The following MRPS35 variants were observed in gnomAD, a reference collection of about 807,000 sequenced individuals.
MRPS35 encodes the protein small ribosomal subunit protein mS35.
In MRPS35, 29 loss-of-function variants were observed where a neutral mutation model predicts 32.7. That is an observed-to-expected ratio of 0.89 (90% confidence interval 0.66 to 1.21). The LOEUF is 1.21. Among genes scored for constraint, MRPS35 ranks in the 50% most tolerant of loss-of-function variants. The pLI, the probability that MRPS35 is intolerant of heterozygous loss-of-function variation, is 0.00. For synonymous variants in MRPS35, 148 were observed against 139.3 expected (o/e 1.06, Z -0.44); for missense variants, 373 against 383.8 (o/e 0.97, Z 0.23).
intron 4 of MRPS35, 88 bp from the exon 5 acceptor site, chr12:27,723,959 C>A (rs1341744635): frequency 2.3e-6 from 3 of 1,296,700 alleles, no homozygotes; most frequent in African/African-American, 3.1e-5. Context: ...TGGTGATGCT[C>A]TCAGTAATTT....
chr12:27,750,678 T>C (rs2061998362), intron 7 of MRPS35, among the ~76,000 whole-genome samples: 1 of 151,994 alleles, frequency 6.6e-6, no homozygotes, highest in Admixed American at 6.6e-5. Flanking sequence ...GGTGGTACTC[T>C]CTGGTAGTCC....
chr12:27,724,509 G>A (rs1593466946), intron 5 of MRPS35, among the ~76,000 whole-genome samples: 1 of 152,166 alleles, frequency 6.6e-6, no homozygotes, highest in Non-Finnish European at 1.5e-5. Context: ...TTGGGAGGCC[G>A]AGTCAGGCGG....
At chr12:27,729,345 A>G (rs2061912373) in intron 5 of MRPS35, among the ~76,000 whole-genome samples, 1 of 152,166 alleles carries the variant, frequency 6.6e-6, no homozygotes, top group Non-Finnish European at 1.5e-5. Context: ...AGGACTTCTC[A>G]GCTGATTCTT....
At chr12:27,714,093 AAG>A (rs1255612558) in intron 1 of MRPS35, among the ~76,000 whole-genome samples, 1 of 149,396 alleles carries the variant, frequency 6.7e-6, no homozygotes, top group South Asian at 2.1e-4. Context: ...AAAAAAAAAA[AAG>A]AAAGAAAGAG....
chr12:27,720,878 T>A (rs2140757666), intron 4 of MRPS35, among the ~76,000 whole-genome samples: 1 of 151,844 alleles, frequency 6.6e-6, no homozygotes, highest in African/African-American at 2.4e-5. Flanking sequence ...AACTCATGGT[T>A]CTGTGTATGC....
chr12:27,741,122 C>T (rs566337722), intron 7 of MRPS35, among the ~76,000 whole-genome samples: 4 of 151,648 alleles, frequency 2.6e-5, no homozygotes, highest in South Asian at 2.1e-4. Context: ...GAGCCAAGAT[C>T]GCACCACTGC....
At chr12:27,744,761 G>A (rs577151661) in intron 7 of MRPS35, among the ~76,000 whole-genome samples, 2 of 152,238 alleles carry the variant, frequency 1.3e-5, no homozygotes, top group South Asian at 2.1e-4. Context: ...GTGTAACTAC[G>A]TGCCACAGTT....
chr12:27,731,014 AATCATTTATTT>A (rs1281865675), intron 5 of MRPS35, among the ~76,000 whole-genome samples: 2 of 152,132 alleles, frequency 1.3e-5, no homozygotes, highest in African/African-American at 4.8e-5. Context: ...CCTATTTATT[AATCATTTATTT>A]ATATCAGTAT....
rs772797225 is a variant in MRPS35 at position 27,724,018 on chromosome 12, G to C, written c.383-29G>C. 4 of 1,604,732 alleles carry C rather than the reference G, an allele frequency of 2.5e-6. No individual in the cohort carries two copies. The East Asian group carries it at 8.9e-5, about 36-fold the overall frequency. On this transcript the variant is annotated intron_variant, in intron 4 of 7. Transcript: ENST00000081029. Reference sequence around the variant, plus strand: ...ACAATGAGAATTTACTTGCAAAAGTGTAATTGAAATTATTTCTTTTATTCT... The same window carrying C: ...ACAATGAGAATTTACTTGCAAAAGTCTAATTGAAATTATTTCTTTTATTCT...
At chr12:27,740,167 G>A (rs938471778) in intron 7 of MRPS35, among the ~76,000 whole-genome samples, 9 of 151,826 alleles carry the variant, frequency 5.9e-5, no homozygotes, top group Admixed American at 4.6e-4. Context: ...TGTTATCACC[G>A]TTATTTAATC....
Position 27,716,286 on chromosome 12 carries a change from C to T in MRPS35, c.154-5C>T. ...TAAAATACTAAACGATTTTATATTTCTTAGGCACTACCTCCTAGGACAGAG... is the reference window on the plus strand; with the variant it reads ...TAAAATACTAAACGATTTTATATTTTTTAGGCACTACCTCCTAGGACAGAG... On this transcript the variant is annotated splice_region_variant and splice_polypyrimidine_tract_variant and intron_variant, in intron 2 of 7. Coordinates refer to ENST00000081029, the MANE Select transcript of MRPS35 (RefSeq NM_021821.4). 1 of 1,554,626 alleles carries T rather than the reference C, an allele frequency of 6.4e-7. No individual in the cohort carries two copies. Among genetic ancestry groups the T allele is most frequent in the Non-Finnish European group, 8.7e-7 (1 of 1,155,242 alleles).
At chr12:27,742,220 T>G (rs1048693417) in intron 7 of MRPS35, among the ~76,000 whole-genome samples, 3 of 152,254 alleles carry the variant, frequency 2.0e-5, no homozygotes, top group African/African-American at 7.2e-5. Context: ...CCATTTAATC[T>G]GTCGGATTTA....
chr12:27,745,503 T>C (rs1224209126), intron 7 of MRPS35, among the ~76,000 whole-genome samples: 2 of 152,340 alleles, frequency 1.3e-5, no homozygotes, highest in Non-Finnish European at 2.9e-5. Flanking sequence ...AACTGACTAA[T>C]TGAAAATTCA....
intron 5 of MRPS35, among the ~76,000 whole-genome samples, chr12:27,733,277 C>G (rs1361115573): frequency 6.6e-6 from 1 of 151,942 alleles, no homozygotes; most frequent in Admixed American, 6.6e-5. Context: ...ACAACTGTTC[C>G]TGAAATATTT....
At chr12:27,747,666 C>T (rs773699008) in intron 7 of MRPS35, among the ~76,000 whole-genome samples, 2 of 152,160 alleles carry the variant, frequency 1.3e-5, no homozygotes, top group Non-Finnish European at 2.9e-5. Flanking sequence ...GATTCATGTC[C>T]TAGGCAAAGA....
rs964727865 is a variant in MRPS35 at position 27,718,086 on chromosome 12, C to T, written c.321+1628C>T. Among the ~76,000 whole-genome samples the T allele has an allele frequency of 3.3e-5, 5 of 152,226 alleles. No individual in the cohort carries two copies. In the East Asian group the frequency reaches 7.7e-4, roughly 24 times the overall value. On this transcript the variant is annotated intron_variant, in intron 3 of 7. Transcript: ENST00000081029. ...AAAAAGTACAGCAAATGAAGCTGCC[C>T]ATCCCCAAATCCCAGTTTTCAGTGC...
chr12:27,735,591 GTGTT>G, intron 6 of MRPS35, 35 bp downstream of exon 6: 3 of 1,473,464 alleles, frequency 2.0e-6, no homozygotes, highest in Non-Finnish European at 2.8e-6. Flanking sequence ...CTGGTCACGT[GTGTT>G]TCCTCATTGT....
intron 7 of MRPS35, among the ~76,000 whole-genome samples, chr12:27,754,627 C>T (rs1244060682): frequency 6.6e-6 from 1 of 151,884 alleles, no homozygotes; most frequent in African/African-American, 2.4e-5. Flanking sequence ...AGTAGCCAGG[C>T]ATGGTGGTGG....
At chr12:27,747,133 A>T (rs924768888) in intron 7 of MRPS35, among the ~76,000 whole-genome samples, 1 of 152,232 alleles carries the variant, frequency 6.6e-6, no homozygotes, top group Non-Finnish European at 1.5e-5. Flanking sequence ...TATAGCCTGT[A>T]CTTTAGCCAT....
Sources: gnomAD v4.1 joint callset for allele counts (sites outside exome capture counted in the v4.1 genomes callset) on GRCh38, gnomAD v4.1.1 for gene constraint, MANE v1.5 for transcripts, NCBI Gene and HGNC (gene_info 2026-07-23, HGNC 2026-07-21) for gene names.